Variants in COL12A1 observed in about 807,000 individuals in gnomAD.
COL12A1 encodes the protein collagen type XII alpha 1 chain.
A neutral mutation model predicts 349.7 loss-of-function variants in COL12A1; 114 were observed. The ratio of observed to expected loss-of-function variants is 0.33; its 90% CI spans 0.28 to 0.38. The LOEUF is 0.38. Ranked by LOEUF, COL12A1 falls within the 10% of genes least tolerant of loss-of-function variation. The pLI, the probability that COL12A1 is intolerant of heterozygous loss-of-function variation, is 1.00. For missense variants in COL12A1, 3,284 were observed against 3,756.9 expected (o/e 0.87, Z 3.29); for synonymous variants, 1,369 against 1,329.0 (o/e 1.03, Z -0.66).
At position 75,101,633 on chromosome 6, in the gene COL12A1, G is replaced by T; in HGVS notation, c.8490C>A (p.Gly2830=). The change falls in exon 58 of 66, where the codon GGC becomes GGA. Residue 2830 remains glycine (G), a synonymous_variant. Transcript: ENST00000322507. The part of the protein sequence containing the change: ...PGRTGTPGLP[G]PPGPMGPPGD... ...CTGGAGGTCCCATTGGTCCTGGTGG[G>T]CCAGGTAATCCTGGGGTTCCCTGCA... 5 of 1,613,836 alleles carry T rather than the reference G, an allele frequency of 3.1e-6. No individual in the cohort carries two copies. The highest frequency in any genetic ancestry group is 2.2e-5 in the East Asian group (1 of 44,870).
intron 8 of COL12A1, among the ~76,000 whole-genome samples, chr6:75,186,086 G>A (rs1373937487): frequency 6.6e-6 from 1 of 152,072 alleles, no homozygotes; most frequent in Non-Finnish European, 1.5e-5. Context: ...GATGCCAAAA[G>A]CAATTGCAAC....
At chr6:75,185,092 T>C (rs953263338) in intron 8 of COL12A1, among the ~76,000 whole-genome samples, 3 of 152,214 alleles carry the variant, frequency 2.0e-5, no homozygotes, top group African/African-American at 7.2e-5. Flanking sequence ...TCACCACTCC[T>C]ATTCAACATA....
At chr6:75,125,330 G>T in intron 39 of COL12A1, 57 bp from the exon 40 acceptor site, 1 of 1,491,290 alleles carries the variant, frequency 6.7e-7, no homozygotes, top group Non-Finnish European at 9.0e-7. Flanking sequence ...ATGAAATTTT[G>T]CTTAAAATTA....
chr6:75,134,594 A>G, intron 32 of COL12A1, 132 bp downstream of exon 32: 1 of 813,018 alleles, frequency 1.2e-6, no homozygotes, highest in East Asian at 3.4e-5. Context: ...AGAAAAAACT[A>G]TTAATATTAT....
Position 75,091,316 on chromosome 6 carries a change from A to G in COL12A1, c.8752+7T>C. 4 of 1,610,532 alleles carry G rather than the reference A, an allele frequency of 2.5e-6. No individual in the cohort carries two copies. The highest frequency in any genetic ancestry group is 3.4e-6 in the Non-Finnish European group (4 of 1,178,856). On this transcript the variant is annotated splice_region_variant and intron_variant, in intron 62 of 65. Coordinates refer to ENST00000322507, the MANE Select transcript of COL12A1 (RefSeq NM_004370.6). ...AATTCATACAGTAAAAAGAAAAGAA[A>G]TTTTACCACTTATCAATTGTTCACA...
chr6:75,135,182 G>A (rs1055745359), intron 31 of COL12A1, among the ~76,000 whole-genome samples: 1 of 150,708 alleles, frequency 6.6e-6, no homozygotes, highest in Non-Finnish European at 1.5e-5. Context: ...CTAATCATAA[G>A]TGAGCTACAA....
At chr6:75,151,108 T>A (rs1475540804) in intron 21 of COL12A1, 33 bp downstream of exon 21, 2 of 1,100,548 alleles carry the variant, frequency 1.8e-6, no homozygotes, top group African/African-American at 3.8e-5. Flanking sequence ...ATACCAGCAG[T>A]GCTGAGGGAG....
chr6:75,120,727 A>G (rs112354185), intron 44 of COL12A1, among the ~76,000 whole-genome samples: 1 of 152,292 alleles, frequency 6.6e-6, no homozygotes, highest in African/African-American at 2.4e-5. Context: ...CCCCTCCCTC[A>G]TGGAAATATA....
At chr6:75,200,813 G>T (rs925805648) in intron 2 of COL12A1, among the ~76,000 whole-genome samples, 1 of 151,966 alleles carries the variant, frequency 6.6e-6, no homozygotes, top group Non-Finnish European at 1.5e-5. Context: ...GCTTACATTT[G>T]TGGCTCATAC....
Position 75,165,752 on chromosome 6 carries a change from G to A in COL12A1, c.2738C>T (p.Thr913Ile), listed in dbSNP as rs1407060178. 1 of 1,613,812 alleles carries A rather than the reference G, an allele frequency of 6.2e-7. No individual in the cohort carries two copies. Among genetic ancestry groups the A allele is most frequent in the East Asian group, 2.2e-5 (1 of 44,878 alleles). ...AATTGATGTGTCAGTGATGTCTTTA[G>A]TAACTAAATCTTGAGGAGAACCACG... ...EERGSPQDLV[T>I]KDITDTSIGA... Residue 913 changes from threonine to isoleucine, a missense_variant, in exon 14 of 66, where the codon ACT becomes ATT. Physicochemically the swap from Thr to Ile is moderately conservative, Grantham distance 89. Transcript: ENST00000322507.
chr6:75,148,541 G>A, intron 21 of COL12A1, 44 bp from the exon 22 acceptor site: 1 of 1,533,066 alleles, frequency 6.5e-7, no homozygotes, highest in Non-Finnish European at 9.0e-7. Flanking sequence ...CATTATTGTA[G>A]AAAGGTGACA....
At chr6:75,098,600 A>C (rs1320406342) in intron 58 of COL12A1, among the ~76,000 whole-genome samples, 1 of 152,164 alleles carries the variant, frequency 6.6e-6, no homozygotes, top group Non-Finnish European at 1.5e-5. Context: ...TCAGGGCTGC[A>C]GTGAGCTGTG....
At chr6:75,098,407 A>C (rs1768150566) in intron 58 of COL12A1, among the ~76,000 whole-genome samples, 1 of 152,206 alleles carries the variant, frequency 6.6e-6, no homozygotes, top group Non-Finnish European at 1.5e-5. Flanking sequence ...CAATCCCAGC[A>C]CTTTGGGAGG....
chr6:75,180,972 T>A lies in COL12A1; in HGVS notation c.2131A>T (p.Ile711Phe), dbSNP rs773755693. ...VTAEYEDGFS[I>F]PLAGEETTEE... ...GTGGTCTCCTCTCCAGCTAAGGGAA[T>A]GCTGAAGCCATCCTCATACTCCGCA... The change falls in exon 11 of 66, where the codon ATT (isoleucine) becomes TTT (phenylalanine). Residue 711 changes from isoleucine to phenylalanine, a missense_variant. This residue lies in a region of COL12A1 where 2,601 missense variants were observed against 2,824.8 expected (regional missense o/e 0.92). Coordinates refer to ENST00000322507, the MANE Select transcript of COL12A1 (RefSeq NM_004370.6). The A allele has an allele frequency of 1.2e-6, 2 of 1,613,910 alleles. No homozygotes were observed. Among genetic ancestry groups the A allele is most frequent in the African/African-American group, 2.7e-5 (2 of 74,914 alleles).
intron 17 of COL12A1, among the ~76,000 whole-genome samples, chr6:75,152,752 T>C (rs145275174): frequency 1.3e-5 from 2 of 152,312 alleles, no homozygotes; most frequent in East Asian, 1.9e-4. Flanking sequence ...CCCTCTTTCA[T>C]AGAACCTGGA....
intron 14 of COL12A1, among the ~76,000 whole-genome samples, chr6:75,162,498 C>T (rs1294996589): frequency 6.6e-6 from 1 of 152,100 alleles, no homozygotes; most frequent in African/African-American, 2.4e-5. Context: ...ACACCTTATA[C>T]AAAAATTAAC....
At chr6:75,188,290 T>G in intron 8 of COL12A1, 72 bp downstream of exon 8, 1 of 1,443,434 alleles carries the variant, frequency 6.9e-7, no homozygotes, top group East Asian at 2.3e-5. Flanking sequence ...ATATGTCTAC[T>G]TCTAAGATAA....
At position 75,115,903 on chromosome 6, in the gene COL12A1, T is replaced by C; in HGVS notation, c.7578A>G (p.Ala2526=). Residue 2526 remains alanine (A), a synonymous_variant, in exon 49 of 66, where the codon GCA becomes GCG. Coordinates refer to ENST00000322507, the MANE Select transcript of COL12A1 (RefSeq NM_004370.6). ...CAAAATTCTTTTCTGTCAGGTTGTATGCTTCAAGCATTTTAAAACCTTTAC... is the reference window on the plus strand; with the variant it reads ...CAAAATTCTTTTCTGTCAGGTTGTACGCTTCAAGCATTTTAAAACCTTTAC... ...YTSPGFKMLE[A]YNLTEKNFAS... is the part of the protein sequence containing the mutation. 1 of 1,613,176 alleles carries C rather than the reference T, an allele frequency of 6.2e-7. No homozygotes were observed. The highest frequency in any genetic ancestry group is 1.1e-5 in the South Asian group (1 of 90,922).
At position 75,119,623 on chromosome 6, in the gene COL12A1, T is replaced by A. The variant is rs908364091; in HGVS notation, c.7087-150A>T. The A allele has an allele frequency of 2.0e-5, 15 of 732,044 alleles. No individual in the cohort carries two copies. In the African/African-American group the frequency reaches 2.7e-4, roughly 13 times the overall value. The allele number at this position is 732,044 out of a possible 1,614,324, so 45.3% of individuals were successfully genotyped here. Reference sequence around the variant, plus strand: ...TATTGTAAGCTCTTTATAGCTAATATTACAACATCTACTGCACTTGTCTCA... The same window carrying A: ...TATTGTAAGCTCTTTATAGCTAATAATACAACATCTACTGCACTTGTCTCA... On this transcript the variant is annotated intron_variant, in intron 44 of 65. Transcript: ENST00000322507.
Sources: gnomAD v4.1 joint callset for allele counts (sites outside exome capture counted in the v4.1 genomes callset) on GRCh38, gnomAD v4.1.1 for gene constraint, gnomAD v4.1.1 regional missense constraint, MANE v1.5 for transcripts, NCBI Gene and HGNC (gene_info 2026-07-23, HGNC 2026-07-21) for gene names.